EPHB1: variants seen among roughly 807,000 people sequenced by gnomAD.
The protein encoded by EPHB1 is ephrin type-B receptor 1.
Under a neutral mutation model 94.4 loss-of-function variants are expected in EPHB1, and 30 were observed. That is an observed-to-expected ratio of 0.32 (90% CI 0.24 to 0.43). The LOEUF is 0.43. Among genes scored for constraint, EPHB1 ranks in the 20% least tolerant of loss-of-function variants. The pLI is 1.00. For missense variants in EPHB1, 1,055 were observed against 1,308.3 expected, an observed-to-expected ratio of 0.81 and a Z score of 2.99; for synonymous variants, 522 against 489.1, an observed-to-expected ratio of 1.07 and a Z score of -0.89.
At chr3:135,114,791 T>C (rs1939623451) in intron 4 of EPHB1, among the ~76,000 whole-genome samples, 1 of 151,312 alleles carries the variant, frequency 6.6e-6, no homozygotes, top group Non-Finnish European at 1.5e-5. Context: ...CATACAGGAA[T>C]AATTCAATAA....
intron 3 of EPHB1, among the ~76,000 whole-genome samples, chr3:134,970,017 C>T (rs965884175): frequency 1.4e-4 from 22 of 152,146 alleles, no homozygotes; most frequent in Non-Finnish European, 2.6e-4. Flanking sequence ...GTCCTTTTGT[C>T]GAATATGTGA....
rs1559770507 is a variant in EPHB1 at position 134,955,103 on chromosome 3, T to TTTTTTTA, written c.805+3051_805+3052insTTTTTTA. On this transcript the variant is annotated intron_variant, in intron 3 of 15. Transcript: ENST00000398015. ...TTTTTTTTTTTTTTTTTTTTTTTTT[T>TTTTTTTA]AATTTTTTTTTTTTTAATTATACTC... Among the ~76,000 whole-genome samples the TTTTTTTA allele has an allele frequency of 7.4e-4, 33 of 44,512 alleles. 4 individuals are homozygous for TTTTTTTA. Among genetic ancestry groups the TTTTTTTA allele is most frequent in the Non-Finnish European group, 9.0e-4 (22 of 24,386 alleles). The allele number at this position is 44,512 out of a possible 152,430, so 29.2% of individuals were successfully genotyped here. A position where few individuals can be genotyped will look rare whatever the true frequency, so the allele number is the denominator to read the frequency against.
intron 1 of EPHB1, among the ~76,000 whole-genome samples, chr3:134,810,576 G>T (rs985217938): frequency 6.6e-6 from 1 of 152,154 alleles, no homozygotes; most frequent in Non-Finnish European, 1.5e-5. Flanking sequence ...AACAATTATA[G>T]TATTGTCATA....
chr3:134,849,749 G>C (rs1170233884), intron 1 of EPHB1, among the ~76,000 whole-genome samples: 2 of 152,200 alleles, frequency 1.3e-5, no homozygotes, highest in South Asian at 2.1e-4. Context: ...CCCTCGCATG[G>C]CTGCCTCTTG....
intron 1 of EPHB1, among the ~76,000 whole-genome samples, 180 bp from the exon 2 acceptor site, chr3:134,925,636 G>A (rs1327902283): frequency 6.6e-6 from 1 of 152,074 alleles, no homozygotes; most frequent in Non-Finnish European, 1.5e-5. Flanking sequence ...AATCTTGGCG[G>A]GCTTCTTTTG....
In EPHB1 at chr3:135,054,040, T is replaced by TATATATATACAC. The variant is rs377064799; in HGVS notation, c.806-52407_806-52406insTATATATACACA. Reference sequence around the variant, plus strand: ...GTGTGTCTGCATATATATATATATATACACACACACACACACACACACACA... The same window carrying TATATATATACAC: ...GTGTGTCTGCATATATATATATATATATATATATACACACACACACACACACACACACACACA... On this transcript the variant is annotated intron_variant, in intron 3 of 15. Coordinates refer to ENST00000398015, the MANE Select transcript of EPHB1 (RefSeq NM_004441.5). Among the ~76,000 whole-genome samples, 1,018 of 139,816 alleles carry TATATATATACAC rather than the reference T, an allele frequency of 7.3e-3. 20 individuals carry two copies. The highest frequency in any genetic ancestry group is 0.026 in the African/African-American group (951 of 36,430). 91.7% of individuals were successfully genotyped at this position (139,816 alleles called of 152,430 possible).
At chr3:134,816,283 G>T (rs530063449) in intron 1 of EPHB1, among the ~76,000 whole-genome samples, 2 of 151,828 alleles carry the variant, frequency 1.3e-5, no homozygotes, top group South Asian at 4.2e-4. Flanking sequence ...TAGTAGAGAC[G>T]GGGTTTCACC....
At chr3:134,912,164 C>T (rs2038468616) in intron 1 of EPHB1, among the ~76,000 whole-genome samples, 1 of 152,220 alleles carries the variant, frequency 6.6e-6, no homozygotes, top group African/African-American at 2.4e-5. Flanking sequence ...TTGATGCCCC[C>T]TGGGTGCTTG....
At chr3:135,027,748 T>G (rs1372565717) in intron 3 of EPHB1, among the ~76,000 whole-genome samples, 6 of 136,864 alleles carry the variant, frequency 4.4e-5, no homozygotes, top group Admixed American at 7.6e-5. Flanking sequence ...TAAAATGAGT[T>G]AGGGAGGATT....
intron 12 of EPHB1, among the ~76,000 whole-genome samples, chr3:135,208,292 TGTGTGTGTGTGTGTG>T (rs1942952834): frequency 2.1e-4 from 23 of 109,118 alleles, no homozygotes; most frequent in East Asian, 8.9e-4. Context: ...TTTCATGACG[TGTGTGTGTGTGTGTG>T]TGTGTGTGTG....
intron 2 of EPHB1, among the ~76,000 whole-genome samples, chr3:134,930,340 A>G (rs1471777953): frequency 2.0e-5 from 3 of 152,270 alleles, no homozygotes; most frequent in Non-Finnish European, 4.4e-5. Context: ...TTTATAATCT[A>G]TTGCAGCACC....
intron 3 of EPHB1, among the ~76,000 whole-genome samples, chr3:135,031,436 C>T (rs563440878): frequency 7.9e-5 from 12 of 152,212 alleles, no homozygotes; most frequent in East Asian, 3.9e-4. Flanking sequence ...CAGCATCCAG[C>T]GTAGCTGTGA....
At chr3:135,018,580 GTGAACATATTTAGTAGATACCTT>G (rs1465509147) in intron 3 of EPHB1, among the ~76,000 whole-genome samples, 1 of 152,150 alleles carries the variant, frequency 6.6e-6, no homozygotes, top group Non-Finnish European at 1.5e-5. Context: ...AATCTTTGTT[GTGAACATATTTAGTAGATACCTT>G]TGAACAAATT....
Position 135,081,592 on chromosome 3 carries a change from C to T in EPHB1, c.806-24856C>T, listed in dbSNP as rs762557167. 4.7e-4 allele frequency among the ~76,000 whole-genome samples: 72 copies of T among 152,274 alleles called. 1 individual carries two copies. Among genetic ancestry groups the T allele is most frequent in the Admixed American group, 1.1e-3 (17 of 15,306 alleles). Reference sequence around the variant, plus strand: ...CTGCCAAAACCCATGGGCTGCTCGCCACTGCTGCCCAAGGAGCTTCTGCTC... The same window carrying T: ...CTGCCAAAACCCATGGGCTGCTCGCTACTGCTGCCCAAGGAGCTTCTGCTC... On this transcript the variant is annotated intron_variant, in intron 3 of 15. Coordinates refer to ENST00000398015, the MANE Select transcript of EPHB1 (RefSeq NM_004441.5).
chr3:135,102,904 C>T (rs1201728349), intron 3 of EPHB1, among the ~76,000 whole-genome samples: 1 of 152,050 alleles, frequency 6.6e-6, no homozygotes, highest in African/African-American at 2.4e-5. Flanking sequence ...TATGTTCTCA[C>T]TCATAAGTAG....
At chr3:135,089,826 C>A (rs1242764106) in intron 3 of EPHB1, among the ~76,000 whole-genome samples, 1 of 152,218 alleles carries the variant, frequency 6.6e-6, no homozygotes, top group African/African-American at 2.4e-5. Context: ...TCCCTCTGAG[C>A]CTTCCCTGAG....
At chr3:135,248,572 C>A (rs376275234) in intron 14 of EPHB1, 63 bp downstream of exon 14, 2 of 1,460,494 alleles carry the variant, frequency 1.4e-6, no homozygotes, top group East Asian at 2.5e-5. Context: ...GCATAGCCAG[C>A]AGCCTCTGAC....
intron 3 of EPHB1, among the ~76,000 whole-genome samples, chr3:134,974,001 A>G (rs2107729137): frequency 1.3e-5 from 2 of 152,248 alleles, no homozygotes; most frequent in Middle Eastern, 6.8e-3. Context: ...GGCCAGCAGG[A>G]AGTTGGTGAT....
At chr3:135,012,675 G>A (rs1935661192) in intron 3 of EPHB1, among the ~76,000 whole-genome samples, 1 of 152,144 alleles carries the variant, frequency 6.6e-6, no homozygotes, top group African/African-American at 2.4e-5. Context: ...GCTAATAGAG[G>A]GATACATGCC....
Sources: gnomAD v4.1 joint callset for allele counts (sites outside exome capture counted in the v4.1 genomes callset) on GRCh38, gnomAD v4.1.1 for gene constraint, MANE v1.5 for transcripts, NCBI Gene and HGNC (gene_info 2026-07-23, HGNC 2026-07-21) for gene names.